SETDB1: variants seen among roughly 807,000 people sequenced by gnomAD.
The protein encoded by SETDB1 is histone-lysine N-methyltransferase SETDB1.
In SETDB1, 31 loss-of-function variants were observed where a neutral mutation model predicts 137.4. The ratio of observed to expected loss-of-function variants is 0.23; its 90% confidence interval spans 0.17 to 0.30. SETDB1 has a LOEUF of 0.30. Among genes scored for constraint, SETDB1 ranks in the 10% least tolerant of loss-of-function variants. The pLI, the probability that SETDB1 is intolerant of heterozygous loss-of-function variation, is 1.00. For missense variants in SETDB1, 1,113 were observed against 1,631.5 expected (o/e 0.68, Z 5.47); for synonymous variants, 548 against 579.9 (o/e 0.95, Z 0.79).
intron 20 of SETDB1, 66 bp downstream of exon 20, chr1:150,963,807 A>AC: frequency 2.7e-6 from 4 of 1,484,856 alleles, no homozygotes; most frequent in Non-Finnish European, 3.8e-6. Flanking sequence ...CTTTTAACAT[A>AC]CTCTATAAGC....
rs942772229 is a variant in SETDB1 at position 150,958,186 on chromosome 1, A to G, written c.2334-992A>G. On this transcript the variant is annotated intron_variant, in intron 14 of 21. Transcript: ENST00000692827. ...CAATGAGAGCGAAACTCTGTCTCCA[A>G]AAAAAAAAAAAAGAGCTCCCTGAGG... 5.2e-4 allele frequency among the ~76,000 whole-genome samples: 76 copies of G among 145,500 alleles called. 1 individual carries two copies. Among genetic ancestry groups the G allele is most frequent in the African/African-American group, 1.9e-3 (74 of 39,290 alleles).
rs143142359 is a variant in SETDB1, at chr1:150,954,673, G to T, written c.2333+3192G>T. On this transcript the variant is annotated intron_variant, in intron 14 of 21. Coordinates refer to ENST00000692827, the MANE Select transcript of SETDB1 (RefSeq NM_001366418.1). ...GAAATGACTTCAGCCTTCCCTGAAA[G>T]TAGCACTAGAAGCTAGATAGCAATT... 1.3e-3 allele frequency among the ~76,000 whole-genome samples: 199 copies of T among 152,314 alleles called. 2 individuals carry two copies. Among genetic ancestry groups the T allele is most frequent in the African/African-American group, 4.5e-3 (186 of 41,576 alleles).
chr1:150,959,691 G>A (rs948097326), intron 15 of SETDB1, among the ~76,000 whole-genome samples: 5 of 152,164 alleles, frequency 3.3e-5, no homozygotes, highest in Admixed American at 2.6e-4. Context: ...TAAAGTAGAA[G>A]AAATGGAAAG....
At position 150,960,715 on chromosome 1, in the gene SETDB1, T is replaced by C. The variant is rs1670790723; in HGVS notation, c.2656T>C (p.Leu886=). The change falls in exon 16 of 22, where the codon TTG becomes CTG. Residue 886 remains leucine, a synonymous_variant. Coordinates refer to ENST00000692827, the MANE Select transcript of SETDB1 (RefSeq NM_001366418.1). ...PCSSDSSGVD[L]KDQEDGNSGT... is the part of the protein sequence containing the mutation. ...TTCCTCTGACAGCAGTGGTGTAGACTTGAAGGACCAGGAAGATGGCAACAG... is the reference window on the plus strand; with the variant it reads ...TTCCTCTGACAGCAGTGGTGTAGACCTGAAGGACCAGGAAGATGGCAACAG... The C allele has an allele frequency of 6.2e-7, 1 of 1,611,310 alleles. No homozygotes were observed. The highest frequency in any genetic ancestry group is 8.5e-7 in the Non-Finnish European group (1 of 1,178,834).
At chr1:150,928,188 GCT>G in intron 2 of SETDB1, 1 of 556,152 alleles carries the variant, frequency 1.8e-6, no homozygotes, top group Non-Finnish European at 3.2e-6. Flanking sequence ...CTCCCGAGTA[GCT>G]GGAATTATAG....
intron 3 of SETDB1, among the ~76,000 whole-genome samples, chr1:150,937,717 A>G (rs1669989875): frequency 6.6e-6 from 1 of 152,240 alleles, no homozygotes; most frequent in Non-Finnish European, 1.5e-5. Context: ...GGTTAAACAT[A>G]GAATTACCAT....
chr1:150,949,618 T>A, intron 12 of SETDB1, 93 bp downstream of exon 12: 2 of 1,156,364 alleles, frequency 1.7e-6, no homozygotes, highest in Non-Finnish European at 2.5e-6. Context: ...GGGCTTAGTT[T>A]AAGCTTATGA....
chr1:150,963,937 C>T (rs1156913277), intron 20 of SETDB1, 58 bp from the exon 21 acceptor site: 6 of 1,526,386 alleles, frequency 3.9e-6, no homozygotes, highest in East Asian at 4.5e-5. Flanking sequence ...CTCACTCTCC[C>T]TGCAAAGCCA....
intron 9 of SETDB1, among the ~76,000 whole-genome samples, chr1:150,945,798 A>G (rs907964068): frequency 1.3e-5 from 2 of 151,998 alleles, no homozygotes; most frequent in Non-Finnish European, 2.9e-5. Context: ...ATCTCGGCTC[A>G]CTGCATCTTC....
intron 14 of SETDB1, among the ~76,000 whole-genome samples, chr1:150,958,413 G>T (rs143546172): frequency 1.3e-5 from 2 of 151,356 alleles, no homozygotes; most frequent in Admixed American, 1.3e-4. Flanking sequence ...CACCACACCC[G>T]GCTAATTTTT....
chr1:150,946,488 G>T (rs1206381516), intron 9 of SETDB1, among the ~76,000 whole-genome samples: 1 of 151,434 alleles, frequency 6.6e-6, no homozygotes, highest in African/African-American at 2.4e-5. Context: ...CGCTCCTGTT[G>T]CCCAGGCTGG....
intron 3 of SETDB1, among the ~76,000 whole-genome samples, chr1:150,931,324 G>A (rs587686143): frequency 2.3e-4 from 33 of 146,120 alleles, no homozygotes; most frequent in African/African-American, 6.5e-4. Flanking sequence ...GGTGGCTCAC[G>A]CCTGTAATCC....
intron 19 of SETDB1, 99 bp downstream of exon 19, chr1:150,963,238 A>G: frequency 8.9e-7 from 1 of 1,129,788 alleles, no homozygotes; most frequent in Non-Finnish European, 1.3e-6. Context: ...GTAAAAATTC[A>G]GATCCTAAGA....
In SETDB1 at chr1:150,939,975, G is replaced by A. The variant is rs1181339906; in HGVS notation, c.447+1G>A. 1 of 1,612,086 alleles carries A rather than the reference G, an allele frequency of 6.2e-7. No homozygotes were observed. The highest frequency in any genetic ancestry group is 1.7e-5 in the Admixed American group (1 of 59,880). ...GAGCAGAACTCCAAAAGACCAGAAG[G>A]TAAGTTAGGATGGTAAGGGAAGGGT... is the stretch of plus-strand genomic sequence containing the variant. On this transcript the variant is annotated splice_donor_variant, in intron 4 of 21. Coordinates refer to ENST00000692827, the MANE Select transcript of SETDB1 (RefSeq NM_001366418.1). LOFTEE classifies it high-confidence loss of function.
rs1285756007 is a variant in SETDB1 at position 150,950,631 on chromosome 1, G to A, written c.1757G>A (p.Arg586Gln). The change falls in exon 13 of 22, where the codon CGA becomes CAA. Residue 586 changes from arginine to glutamine, a missense_variant. Around this residue, in one of 11 missense-constraint regions of SETDB1, gnomAD observed 192 missense variants for 198.1 expected, o/e 0.97. Coordinates refer to ENST00000692827, the MANE Select transcript of SETDB1 (RefSeq NM_001366418.1). ...PHVCSYTCLS[R>Q]VRPMRNEQYR... ...GTCTGCAGCTATACCTGTCTGTCTCGAGTCAGACCTATGAGGAATGAGCAG... is the reference window on the plus strand; with the variant it reads ...GTCTGCAGCTATACCTGTCTGTCTCAAGTCAGACCTATGAGGAATGAGCAG... 6.2e-7 allele frequency: 1 copy of A among 1,614,076 alleles called. No individual in the cohort carries two copies. Among genetic ancestry groups the A allele is most frequent in the Non-Finnish European group, 8.5e-7 (1 of 1,180,024 alleles).
chr1:150,933,613 G>A (rs1669837277), intron 3 of SETDB1, among the ~76,000 whole-genome samples: 1 of 130,494 alleles, frequency 7.7e-6, no homozygotes, highest in African/African-American at 2.6e-5. Context: ...CTGACCTTAG[G>A]TGATCTGTCC....
chr1:150,926,615 C>A, intron 1 of SETDB1, 98 bp downstream of exon 1: 1 of 432,382 alleles, frequency 2.3e-6, no homozygotes. Context: ...GGAAGTCTTC[C>A]CCAGAGGCGA....
intron 7 of SETDB1, among the ~76,000 whole-genome samples, chr1:150,943,502 C>G (rs1670226149): frequency 6.6e-6 from 1 of 152,136 alleles, no homozygotes; most frequent in Admixed American, 6.5e-5. Flanking sequence ...CTGGTGAAAC[C>G]CTGTCTCTAC....
chr1:150,943,967 C>G lies in SETDB1; in HGVS notation c.923C>G (p.Ser308Trp). 1 of 1,613,248 alleles carries G rather than the reference C, an allele frequency of 6.2e-7. No individual in the cohort carries two copies. Among genetic ancestry groups the G allele is most frequent in the Non-Finnish European group, 8.5e-7 (1 of 1,179,216 alleles). ...DDGYASYVTQ[S>W]ELYPICRPLK... ...GGCTATGCTTCCTATGTCACACAGT[C>G]GGAACTGTATCCCATTTGCCGGCCA... is the stretch of plus-strand genomic sequence containing the variant. The change falls in exon 8 of 22, where the codon TCG (serine) becomes TGG (tryptophan). Residue 308 changes from serine (S) to tryptophan (W), a missense_variant. Physicochemically the swap from Ser to Trp is radical, Grantham distance 177. This residue lies in a region of SETDB1 where 154 missense variants were observed against 303.1 expected (regional missense o/e 0.51). Transcript: ENST00000692827.
Sources: allele counts gnomAD v4.1 joint callset (sites outside exome capture counted in the v4.1 genomes callset), GRCh38; gene constraint gnomAD v4.1.1; regional missense constraint gnomAD v4.1.1; transcripts MANE v1.5; gene names NCBI Gene and HGNC (gene_info 2026-07-23, HGNC 2026-07-21).